The following APOO variants were observed in gnomAD, a reference collection of about 807,000 sequenced individuals.
APOO encodes the protein apolipoprotein O, also known as MICOS complex subunit MIC26.
A neutral mutation model predicts 23.1 loss-of-function variants in APOO; 11 were observed. The ratio of observed to expected loss-of-function variants is 0.48; its 90% CI spans 0.30 to 0.79. The LOEUF (loss-of-function observed/expected upper bound fraction) is 0.79, where lower values mean the gene tolerates loss of function less well. Ranked by LOEUF, APOO falls within the 30% of genes least tolerant of loss-of-function variation. The pLI is 0.07. For missense variants in APOO, 160 were observed against 142.7 expected (o/e 1.12, Z -0.62); for synonymous variants, 59 against 54.8 (o/e 1.08, Z -0.34).
At position 23,878,993 on chromosome X, in the gene APOO, C is replaced by T; in HGVS notation, c.159G>A (p.Val53=). The T allele has an allele frequency of 8.3e-7, 1 of 1,211,742 alleles. No individual in the cohort carries two copies. The highest frequency in any genetic ancestry group is 1.1e-6 in the Non-Finnish European group (1 of 895,299). Residue 53 remains valine (V), a synonymous_variant, in exon 3 of 9, where the codon GTG becomes GTA. Transcript: ENST00000379226. Reference sequence around the variant, plus strand: ...CTTCAAGCTGGCTCCTTGCCTCCTCCACATACTTCGATTGACCCTCAGGAA... The same window carrying T: ...CTTCAAGCTGGCTCCTTGCCTCCTCTACATACTTCGATTGACCCTCAGGAA... ...YSVPEGQSKY[V]EEARSQLEES...
chrX:23,885,352 T>C (rs966115075), intron 1 of APOO, among the ~76,000 whole-genome samples: 5 of 108,778 alleles, frequency 4.6e-5, no homozygotes, highest in Non-Finnish European at 9.5e-5. Flanking sequence ...TGAGCCGAGA[T>C]CGTGCCACTG....
chrX:23,834,723 T>A (rs1423242469), intron 8 of APOO, among the ~76,000 whole-genome samples: 3 of 102,837 alleles, frequency 2.9e-5, no homozygotes, highest in African/African-American at 1.1e-4. Flanking sequence ...GATTGCTTTT[T>A]TCATATTTTT....
intron 4 of APOO, among the ~76,000 whole-genome samples, chrX:23,870,816 C>T (rs1222686922): frequency 4.4e-5 from 4 of 90,280 alleles, no homozygotes; most frequent in Admixed American, 2.4e-4. Flanking sequence ...ACAGGCCAGG[C>T]GCAGTGGTTC....
chrX:23,884,863 G>C (rs1212200315), intron 1 of APOO, among the ~76,000 whole-genome samples: 2 of 111,328 alleles, frequency 1.8e-5, no homozygotes, highest in African/African-American at 3.3e-5. Context: ...GAAAAAGAGG[G>C]GCAAGTCTGA....
At chrX:23,837,960 T>TATCTATCTATCTATC (rs1350926332) in intron 8 of APOO, among the ~76,000 whole-genome samples, 2 of 63,476 alleles carry the variant, frequency 3.2e-5, no homozygotes, top group Non-Finnish European at 5.8e-5. Context: ...GCACCCGGCC[T>TATCTATCTATCTATC]ATCTATCTAT....
chrX:23,896,251 G>C lies in APOO; in HGVS notation c.9+11443C>G, dbSNP rs150001609. On this transcript the variant is annotated intron_variant, in intron 1 of 8. Coordinates refer to ENST00000379226, the MANE Select transcript of APOO (RefSeq NM_024122.5). ...CCACTGCACTCCAGCCTGGGCAACAGAGTAAGACTCCGTCTCAAAAAAAAA... is the reference window on the plus strand; with the variant it reads ...CCACTGCACTCCAGCCTGGGCAACACAGTAAGACTCCGTCTCAAAAAAAAA... Among the ~76,000 whole-genome samples the C allele has an allele frequency of 3.0e-4, 32 of 106,448 alleles. No individual in the cohort carries two copies. The East Asian group carries it at 6.3e-3, about 21-fold the overall frequency. The allele number at this position is 106,448 out of a possible 115,157, so 92.4% of individuals were successfully genotyped here. A position where few individuals can be genotyped will look rare whatever the true frequency, so the allele number is the denominator to read the frequency against.
intron 7 of APOO, among the ~76,000 whole-genome samples, chrX:23,846,553 T>A (rs181225148): frequency 7.8e-4 from 74 of 95,416 alleles, no homozygotes; most frequent in African/African-American, 3.0e-3. Flanking sequence ...ACCCAGGAGG[T>A]GGAGGTTGCA....
intron 7 of APOO, among the ~76,000 whole-genome samples, chrX:23,849,770 C>T (rs192488262): frequency 6.5e-5 from 7 of 106,908 alleles, no homozygotes; most frequent in Admixed American, 6.1e-4. Context: ...CGTGCGCCTG[C>T]AGTCCCAGCT....
At chrX:23,881,555 C>T (rs778520933) in intron 1 of APOO, among the ~76,000 whole-genome samples, 9 of 34,302 alleles carry the variant, frequency 2.6e-4, no homozygotes, top group Admixed American at 5.0e-4. Flanking sequence ...ACAAAATAAT[C>T]GCTCCACTAA....
intron 8 of APOO, among the ~76,000 whole-genome samples, chrX:23,838,955 T>A (rs1377971668): frequency 9.0e-6 from 1 of 111,626 alleles, no homozygotes; most frequent in Non-Finnish European, 1.9e-5. Flanking sequence ...CAGAAATATA[T>A]CCATTCTGGC....
chrX:23,888,886 A>T, intron 1 of APOO, among the ~76,000 whole-genome samples: 1 of 99,636 alleles, frequency 1.0e-5, no homozygotes, highest in African/African-American at 3.6e-5. Context: ...CAGGCATAAG[A>T]TTGAGTTTAT....
intron 7 of APOO, among the ~76,000 whole-genome samples, chrX:23,846,448 CCT>C (rs1435133257): frequency 1.8e-5 from 2 of 108,871 alleles, no homozygotes; most frequent in East Asian, 5.7e-4. Context: ...ATGGTGAAAC[CCT>C]GTCTCTACTA....
At chrX:23,849,298 G>T (rs1924410054) in intron 7 of APOO, among the ~76,000 whole-genome samples, 1 of 108,711 alleles carries the variant, frequency 9.2e-6, no homozygotes, top group Non-Finnish European at 1.9e-5. Flanking sequence ...ATCTACAGCT[G>T]CTAAAACCAA....
chrX:23,869,543 G>A (rs1925502174), intron 4 of APOO, among the ~76,000 whole-genome samples: 1 of 105,854 alleles, frequency 9.4e-6, no homozygotes, highest in Non-Finnish European at 1.9e-5. Context: ...TTTGAGCCCA[G>A]GAGTTCAAGG....
intron 1 of APOO, among the ~76,000 whole-genome samples, chrX:23,886,814 C>T (rs759060293): frequency 6.3e-5 from 7 of 111,644 alleles, no homozygotes; most frequent in Non-Finnish European, 1.1e-4. Flanking sequence ...TGGCCATCTT[C>T]GACACTGTGT....
chrX:23,902,601 A>C (rs1038051383), intron 1 of APOO, among the ~76,000 whole-genome samples: 1 of 112,033 alleles, frequency 8.9e-6, no homozygotes, highest in Non-Finnish European at 1.9e-5. Flanking sequence ...ATGGAATGCA[A>C]ATACTGGGCA....
At chrX:23,868,266 C>T (rs1925433111) in intron 5 of APOO, among the ~76,000 whole-genome samples, 1 of 112,020 alleles carries the variant, frequency 8.9e-6, no homozygotes, top group South Asian at 3.7e-4. Flanking sequence ...ATTAATATAG[C>T]TTGATCTTAA....
At chrX:23,885,267 C>G (rs1331011059) in intron 1 of APOO, among the ~76,000 whole-genome samples, 1 of 108,859 alleles carries the variant, frequency 9.2e-6, no homozygotes, top group Non-Finnish European at 1.9e-5. Context: ...GGCGTGGTGG[C>G]AGACGCCTGT....
At chrX:23,866,668 A>G (rs1471874554) in intron 5 of APOO, among the ~76,000 whole-genome samples, 1 of 111,217 alleles carries the variant, frequency 9.0e-6, no homozygotes, top group South Asian at 3.8e-4. Flanking sequence ...AGGCGCCTGT[A>G]ATCCCAGCTA....
Sources: gnomAD v4.1 joint callset for allele counts (sites outside exome capture counted in the v4.1 genomes callset) on GRCh38, gnomAD v4.1.1 for gene constraint, MANE v1.5 for transcripts, NCBI Gene and HGNC (gene_info 2026-07-23, HGNC 2026-07-21) for gene names.